Variants in FKBP5 observed in about 807,000 individuals in gnomAD.
FKBP5 encodes peptidyl-prolyl cis-trans isomerase FKBP5.
FKBP5 carries 23 observed loss-of-function variants against 50.5 expected under a neutral mutation model. That is an observed-to-expected ratio of 0.46 (90% confidence interval 0.33 to 0.65). The LOEUF (loss-of-function observed/expected upper bound fraction) is 0.65, where lower values mean the gene tolerates loss of function less well. Ranked by LOEUF, FKBP5 falls within the 30% of genes least tolerant of loss-of-function variation. The pLI, the probability that FKBP5 is intolerant of heterozygous loss-of-function variation, is 0.02. For missense variants in FKBP5, 411 were observed against 553.1 expected, an observed-to-expected ratio of 0.74 and a Z score of 2.58; for synonymous variants, 176 against 190.6, an observed-to-expected ratio of 0.92 and a Z score of 0.63.
chr6:35,722,748 C>T (rs1271296943), intron 1 of FKBP5, among the ~76,000 whole-genome samples: 1 of 152,200 alleles, frequency 6.6e-6, no homozygotes, highest in Non-Finnish European at 1.5e-5. Context: ...TCCTCTCTCC[C>T]TGAACCTTCT....
intron 5 of FKBP5, among the ~76,000 whole-genome samples, chr6:35,610,655 ATTTTG>A (rs1039057477): frequency 1.5e-4 from 22 of 150,296 alleles, no homozygotes; most frequent in African/African-American, 4.6e-4. Context: ...TTTGAGGCAC[ATTTTG>A]TTTTATTATT....
chr6:35,617,338 G>A (rs1763691729), intron 5 of FKBP5, among the ~76,000 whole-genome samples: 1 of 150,960 alleles, frequency 6.6e-6, no homozygotes. Flanking sequence ...TTTTTAAGGA[G>A]ACAAGGTCTC....
chr6:35,714,322 T>G (rs1033361725), intron 2 of FKBP5, among the ~76,000 whole-genome samples: 3 of 33,656 alleles, frequency 8.9e-5, no homozygotes, highest in East Asian at 1.1e-3. Context: ...CGTGGTGGCA[T>G]GTGCCTGTAA....
At chr6:35,603,137 C>T (rs1353437319) in intron 5 of FKBP5, among the ~76,000 whole-genome samples, 1 of 152,234 alleles carries the variant, frequency 6.6e-6, no homozygotes, top group African/African-American at 2.4e-5. Flanking sequence ...AGCTTTTAAT[C>T]TAGCACCTGA....
chr6:35,585,728 A>G, intron 8 of FKBP5: 13 of 965,466 alleles, frequency 1.3e-5, no homozygotes, highest in Non-Finnish European at 1.6e-5. Context: ...GCAATCCAGT[A>G]CTTACTCATA....
chr6:35,717,376 G>C (rs905755663), intron 2 of FKBP5, among the ~76,000 whole-genome samples: 1 of 152,238 alleles, frequency 6.6e-6, no homozygotes, highest in African/African-American at 2.4e-5. Flanking sequence ...ACGTGTGCCT[G>C]TGTGCCCATG....
rs1371652670 is a variant in FKBP5, at chr6:35,574,084, A to C, written c.*1751T>G. ...TCAGCTTTTGCTCTTCATATTTCGT[A>C]GGTGAGACTGGGGCTTTTAAAAGAA... is the stretch of plus-strand genomic sequence containing the variant. On this transcript the variant is annotated 3_prime_UTR_variant, in exon 11 of 11. Transcript: ENST00000357266. 6.6e-6 allele frequency: 1 copy of C among 152,216 alleles called. No individual in the cohort carries two copies. The highest frequency in any genetic ancestry group is 2.4e-5 in the African/African-American group (1 of 41,444). The allele number at this position is 152,216 out of a possible 1,614,324, so 9.4% of individuals were successfully genotyped here.
chr6:35,652,795 G>A (rs11754441), intron 1 of FKBP5, among the ~76,000 whole-genome samples: 32,844 of 151,906 alleles, frequency 0.22, 4,215 homozygotes, highest in Middle Eastern at 0.32. Flanking sequence ...ACAACTATTC[G>A]CACACTCCCT....
At chr6:35,615,748 T>C (rs1763633931) in intron 5 of FKBP5, among the ~76,000 whole-genome samples, 1 of 152,190 alleles carries the variant, frequency 6.6e-6, no homozygotes, top group Non-Finnish European at 1.5e-5. Context: ...TGTAAAGTTG[T>C]GATACAAAAC....
chr6:35,685,208 C>G (rs1165538566), intron 1 of FKBP5, among the ~76,000 whole-genome samples: 1 of 152,158 alleles, frequency 6.6e-6, no homozygotes, highest in African/African-American at 2.4e-5. Flanking sequence ...TAGTAACCTG[C>G]TAGTACATAT....
intron 1 of FKBP5, among the ~76,000 whole-genome samples, chr6:35,643,501 T>C (rs536317747): frequency 1.3e-5 from 2 of 152,330 alleles, no homozygotes; most frequent in African/African-American, 4.8e-5. Context: ...CCAAAATACC[T>C]ACAGAATGTT....
At position 35,591,169 on chromosome 6, in the gene FKBP5, A is replaced by G. The variant is rs1197906402; in HGVS notation, c.717T>C (p.Ala239=). The change falls in exon 7 of 11, where the codon GCT becomes GCC. Residue 239 remains alanine (A), a synonymous_variant. Coordinates refer to ENST00000357266, the MANE Select transcript of FKBP5 (RefSeq NM_004117.4). ...TAAGTGTAACTTCATATATAAGCTC[A>G]GCATTAGGTTCAATGCCAAATTTAG... ...GKPKFGIEPN[A]ELIYEVTLKS... The G allele has an allele frequency of 1.2e-6, 2 of 1,613,246 alleles. No homozygotes were observed. Among genetic ancestry groups the G allele is most frequent in the Non-Finnish European group, 1.7e-6 (2 of 1,179,520 alleles).
At chr6:35,632,660 C>A (rs970287646) in intron 3 of FKBP5, among the ~76,000 whole-genome samples, 1 of 151,888 alleles carries the variant, frequency 6.6e-6, no homozygotes, top group Non-Finnish European at 1.5e-5. Flanking sequence ...GAGGCCAAAA[C>A]GGGTGGATCA....
intron 8 of FKBP5, chr6:35,581,273 TA>T: frequency 2.2e-6 from 1 of 445,554 alleles, no homozygotes; most frequent in Non-Finnish European, 2.9e-6. Context: ...TAAACATATA[TA>T]ATATATATAT....
At chr6:35,655,660 A>G (rs1764926092) in intron 1 of FKBP5, among the ~76,000 whole-genome samples, 1 of 152,260 alleles carries the variant, frequency 6.6e-6, no homozygotes, top group African/African-American at 2.4e-5. Flanking sequence ...CAGTCCATGT[A>G]AAGATGGCAA....
intron 1 of FKBP5, among the ~76,000 whole-genome samples, chr6:35,674,827 G>A (rs1765484571): frequency 6.6e-6 from 1 of 152,186 alleles, no homozygotes. Context: ...TCACCTTCCT[G>A]AAGTTCTCAT....
chr6:35,610,743 A>C (rs1474655202), intron 5 of FKBP5, among the ~76,000 whole-genome samples: 1 of 151,728 alleles, frequency 6.6e-6, no homozygotes. Flanking sequence ...GCTTGGGAGA[A>C]AAAGTCACAG....
intron 1 of FKBP5, among the ~76,000 whole-genome samples, chr6:35,681,374 G>A (rs893636678): frequency 6.6e-6 from 1 of 152,160 alleles, no homozygotes; most frequent in Admixed American, 6.6e-5. Flanking sequence ...CCCAAGTCAA[G>A]CTACAGAATA....
chr6:35,693,486 G>C (rs774774393), upstream of FKBP5, among the ~76,000 whole-genome samples: 3 of 140,650 alleles, frequency 2.1e-5, no homozygotes, highest in Non-Finnish European at 4.6e-5. Flanking sequence ...TTTAAGTCTA[G>C]AATTTCTATT....
Sources: allele counts gnomAD v4.1 joint callset (sites outside exome capture counted in the v4.1 genomes callset), GRCh38; gene constraint gnomAD v4.1.1; transcripts MANE v1.5; gene names NCBI Gene and HGNC (gene_info 2026-07-23, HGNC 2026-07-21).